PRORP: variants seen among roughly 807,000 people sequenced by gnomAD.
PRORP encodes protein only RNase P catalytic subunit.
Under a neutral mutation model 59.4 loss-of-function variants are expected in PRORP, and 51 were observed. The ratio of observed to expected loss-of-function variants is 0.86; its 90% CI spans 0.69 to 1.08. PRORP has a LOEUF of 1.08. Among genes scored for constraint, PRORP ranks in the 50% least tolerant of loss-of-function variants. The probability of loss-of-function intolerance (pLI) is 0.00; values close to 1 mark genes in which losing one functional copy is unlikely to be tolerated. For synonymous variants in PRORP, 231 were observed against 245.6 expected (o/e 0.94, Z 0.55); for missense variants, 646 against 690.3 (o/e 0.94, Z 0.72).
In PRORP at chr14:35,209,786, T is replaced by A. The variant is rs572254875; in HGVS notation, c.1275+29009T>A. Among the ~76,000 whole-genome samples, 247 of 152,312 alleles carry A rather than the reference T, an allele frequency of 1.6e-3. 1 individual carries two copies. Among genetic ancestry groups the A allele is most frequent in the Admixed American group, 2.4e-3 (36 of 15,302 alleles). On this transcript the variant is annotated intron_variant, in intron 5 of 7. Coordinates refer to ENST00000534898, the MANE Select transcript of PRORP (RefSeq NM_014672.4). ...CCTGACCTCAGGTGATCCACCGTCC[T>A]CGGCCTCCCAAAGTGCTGGGATTAC...
intron 5 of PRORP, among the ~76,000 whole-genome samples, chr14:35,238,514 G>A (rs933061719): frequency 1.3e-5 from 2 of 152,116 alleles, no homozygotes; most frequent in Non-Finnish European, 2.9e-5. Context: ...AAGACCTAAT[G>A]ACATCTTGAA....
chr14:35,139,141 G>C (rs4982242), intron 4 of PRORP, among the ~76,000 whole-genome samples: 11,138 of 145,428 alleles, frequency 0.077, 1,671 homozygotes, highest in African/African-American at 0.25. Context: ...GTTAAAATTA[G>C]AGATAGGGTC....
At chr14:35,172,980 GC>G (rs2048359630) in intron 4 of PRORP, among the ~76,000 whole-genome samples, 1 of 151,706 alleles carries the variant, frequency 6.6e-6, no homozygotes, top group South Asian at 2.1e-4. Context: ...CAATTCTCTT[GC>G]CTTAGCCTCC....
chr14:35,235,261 T>G, intron 5 of PRORP: 1 of 702,074 alleles, frequency 1.4e-6, no homozygotes, highest in East Asian at 3.1e-5. Flanking sequence ...GGACATTGCC[T>G]CCCTAGTGAT....
rs1390708949 is a variant in PRORP at position 35,276,709 on chromosome 14, A to C, written c.*3143A>C. The C allele has an allele frequency of 6.6e-6, 1 of 152,122 alleles. No individual in the cohort carries two copies. Among genetic ancestry groups the C allele is most frequent in the Non-Finnish European group, 1.5e-5 (1 of 68,026 alleles). 9.4% of individuals were successfully genotyped at this position (152,122 alleles called of 1,614,324 possible). On this transcript the variant is annotated 3_prime_UTR_variant, in exon 8 of 8. Transcript: ENST00000534898. ...AATTATTTTAAAAGCTGTACTCTTA[A>C]ATTGTTAGTATCTTTAAAATCAGTT... is the stretch of plus-strand genomic sequence containing the variant.
At chr14:35,154,462 TCGTG>T (rs2047860379) in intron 4 of PRORP, among the ~76,000 whole-genome samples, 2 of 152,178 alleles carry the variant, frequency 1.3e-5, no homozygotes, top group Admixed American at 1.3e-4. Context: ...GAAATTTGGC[TCGTG>T]GTTCTTCAAG....
At chr14:35,207,113 G>A (rs1423280781) in intron 5 of PRORP, among the ~76,000 whole-genome samples, 2 of 150,654 alleles carry the variant, frequency 1.3e-5, no homozygotes, top group African/African-American at 4.9e-5. Flanking sequence ...TTTTCTTTAA[G>A]GCTAACAGCC....
At chr14:35,172,453 C>CTTCCTTCCTTCT in intron 4 of PRORP, among the ~76,000 whole-genome samples, 21 of 46,762 alleles carry the variant, frequency 4.5e-4, no homozygotes, top group African/African-American at 1.2e-3. Flanking sequence ...TCCTTCCTTC[C>CTTCCTTCCTTCT]TTCTTTCTTT....
In PRORP at chr14:35,161,668, G is replaced by A. The variant is rs371692842; in HGVS notation, c.1168-19002G>A. 3.2e-4 allele frequency among the ~76,000 whole-genome samples: 48 copies of A among 152,098 alleles called. No homozygotes were observed. The South Asian group carries it at 8.9e-3, about 28-fold the overall frequency. ...ATATTGCCTTTTGCCCTTTCTTTGA[G>A]CTATTCTCCATAAATCTGTAAGAAT... On this transcript the variant is annotated intron_variant, in intron 4 of 7. Transcript: ENST00000534898.
intron 5 of PRORP, among the ~76,000 whole-genome samples, chr14:35,250,535 G>A (rs560456305): frequency 1.3e-5 from 2 of 152,322 alleles, no homozygotes; most frequent in East Asian, 3.9e-4. Flanking sequence ...TTTCCAAGGA[G>A]TGCCAGACTA....
chr14:35,121,983 C>A, upstream of PRORP: 1 of 1,614,086 alleles, frequency 6.2e-7, no homozygotes, highest in Non-Finnish European at 8.5e-7. Flanking sequence ...GCAGCAGCTT[C>A]TGCATTTGCT....
chr14:35,159,152 A>C lies in PRORP; in HGVS notation c.1168-21518A>C, dbSNP rs181468492. 1.6e-4 allele frequency: 28 copies of C among 177,418 alleles called. 1 individual carries two copies. The East Asian group carries it at 4.8e-3, about 31-fold the overall frequency. The allele number at this position is 177,418 out of a possible 1,614,324, so 11.0% of individuals were successfully genotyped here. On this transcript the variant is annotated intron_variant, in intron 4 of 7. Transcript: ENST00000534898. ...GTAATCCTATTACTCCCCTGCCTCAAAACCTTCAGCAGTTTCCCATTCCTG... is the reference window on the plus strand; with the variant it reads ...GTAATCCTATTACTCCCCTGCCTCACAACCTTCAGCAGTTTCCCATTCCTG...
chr14:35,263,621 G>A (rs2050963185), intron 5 of PRORP, among the ~76,000 whole-genome samples: 1 of 152,192 alleles, frequency 6.6e-6, no homozygotes, highest in African/African-American at 2.4e-5. Context: ...CTGGGAGGCA[G>A]AGGTTGCAGT....
At chr14:35,251,648 G>A (rs945939779) in intron 5 of PRORP, among the ~76,000 whole-genome samples, 7 of 152,104 alleles carry the variant, frequency 4.6e-5, no homozygotes, top group African/African-American at 1.7e-4. Flanking sequence ...TCTGCCTCCT[G>A]GGTTCAAGCG....
intron 5 of PRORP, among the ~76,000 whole-genome samples, chr14:35,193,760 A>T (rs1468315735): frequency 3.3e-5 from 5 of 152,116 alleles, no homozygotes; most frequent in Admixed American, 2.0e-4. Context: ...TTACAATAGG[A>T]AATGTTAAAT....
At chr14:35,218,385 C>T (rs1462299331) in intron 5 of PRORP, among the ~76,000 whole-genome samples, 1 of 134,014 alleles carries the variant, frequency 7.5e-6, no homozygotes, top group African/African-American at 2.8e-5. Flanking sequence ...CACTTGAGCC[C>T]AGGAGGTCAA....
chr14:35,249,942 C>T (rs1362231910), intron 5 of PRORP, among the ~76,000 whole-genome samples: 1 of 152,050 alleles, frequency 6.6e-6, no homozygotes, highest in African/African-American at 2.4e-5. Flanking sequence ...TGTGCACACT[C>T]ACATGGTTTT....
chr14:35,230,938 A>AACACACACACACACAC (rs60270535), intron 5 of PRORP, among the ~76,000 whole-genome samples: 6 of 144,466 alleles, frequency 4.2e-5, no homozygotes, highest in Non-Finnish European at 9.1e-5. Flanking sequence ...AGGAAAAGAG[A>AACACACACACACACAC]ACACACACAC....
intron 4 of PRORP, among the ~76,000 whole-genome samples, chr14:35,134,909 T>TG (rs1272868327): frequency 1.3e-5 from 2 of 152,236 alleles, no homozygotes; most frequent in African/African-American, 4.8e-5. Flanking sequence ...TTTACGGGCC[T>TG]GGAGCACTTT....
Sources: gnomAD v4.1 joint callset for allele counts (sites outside exome capture counted in the v4.1 genomes callset) on GRCh38, gnomAD v4.1.1 for gene constraint, MANE v1.5 for transcripts, NCBI Gene and HGNC (gene_info 2026-07-23, HGNC 2026-07-21) for gene names.